Variants in DMD observed in about 807,000 individuals in gnomAD.
DMD encodes the protein mutant dystrophin.
Under a neutral mutation model 330.1 loss-of-function variants are expected in DMD, and 63 were observed. The observed-to-expected ratio is 0.19, with a 90% CI of 0.16 to 0.24. The LOEUF (loss-of-function observed/expected upper bound fraction) is 0.24. Ranked by LOEUF, DMD falls within the 10% of genes least tolerant of loss-of-function variation. DMD has a pLI of 1.00. For missense variants in DMD, 3,344 were observed against 2,684.1 expected (o/e 1.25, Z -5.43); for synonymous variants, 1,223 against 959.8 (o/e 1.27, Z -5.07).
chrX:31,612,195 T>C (rs575615266), intron 55 of DMD, among the ~76,000 whole-genome samples: 2 of 111,431 alleles, frequency 1.8e-5, no homozygotes, highest in East Asian at 2.8e-4. Context: ...AATTTGACTG[T>C]TGTAGGTAGC....
chrX:33,189,034 T>C (rs1183677917), intron 1 of DMD, among the ~76,000 whole-genome samples: 1 of 111,889 alleles, frequency 8.9e-6, no homozygotes, highest in Non-Finnish European at 1.9e-5. Flanking sequence ...TATTTTGTTA[T>C]GGCAATGCTA....
intron 1 of DMD, among the ~76,000 whole-genome samples, chrX:33,102,072 G>A (rs759935879): frequency 1.8e-5 from 2 of 111,915 alleles, no homozygotes; most frequent in South Asian, 7.4e-4. Flanking sequence ...ACTTTTCTAA[G>A]ACAGTAAAAT....
At chrX:31,200,710 G>A (rs1052123971) in intron 67 of DMD, among the ~76,000 whole-genome samples, 2 of 111,010 alleles carry the variant, frequency 1.8e-5, no homozygotes, top group East Asian at 2.8e-4. Flanking sequence ...TTTCAAGGAC[G>A]GCATCATATG....
intron 38 of DMD, among the ~76,000 whole-genome samples, chrX:32,347,376 T>C (rs1398400328): frequency 9.0e-6 from 1 of 111,321 alleles, no homozygotes; most frequent in Non-Finnish European, 1.9e-5. Flanking sequence ...GCCCAAGAGG[T>C]AATCAGTACT....
intron 1 of DMD, among the ~76,000 whole-genome samples, chrX:33,251,494 T>C (rs2052771025): frequency 9.0e-6 from 1 of 111,532 alleles, no homozygotes; most frequent in African/African-American, 3.3e-5. Context: ...AGGGACTGCC[T>C]GGAATGGAGT....
At chrX:33,338,035 C>T (rs903840593) in intron 1 of DMD, among the ~76,000 whole-genome samples, 4 of 112,176 alleles carry the variant, frequency 3.6e-5, no homozygotes, top group African/African-American at 9.7e-5. Context: ...TTCTGTATTA[C>T]ATAGACAGTT....
In DMD at chrX:32,731,981, T is replaced by C. The variant is rs968454592; in HGVS notation, c.650-32688A>G. On this transcript the variant is annotated intron_variant, in intron 7 of 78. Transcript: ENST00000357033. ...ATTACTCTGAGCTACGGGAGGACATTCAAACCAAAGGCAAAGAAGTTGAAA... is the reference window on the plus strand; with the variant it reads ...ATTACTCTGAGCTACGGGAGGACATCCAAACCAAAGGCAAAGAAGTTGAAA... Among the ~76,000 whole-genome samples the C allele has an allele frequency of 2.7e-5, 3 of 111,390 alleles. No individual in the cohort carries two copies. The Admixed American group carries it at 2.9e-4, about 11-fold the overall frequency.
chrX:32,482,974 C>G (rs1445242833), intron 21 of DMD, among the ~76,000 whole-genome samples: 1 of 106,912 alleles, frequency 9.4e-6, no homozygotes, highest in African/African-American at 3.4e-5. Context: ...TCTGTTAGCT[C>G]TTATTTCCTG....
At chrX:31,314,748 G>C (rs188539417) in intron 62 of DMD, among the ~76,000 whole-genome samples, 177 of 59,241 alleles carry the variant, frequency 3.0e-3, no homozygotes, top group South Asian at 0.016. Flanking sequence ...TACACAGAGA[G>C]AGAGAGAGAG....
At chrX:31,196,820 A>C (rs1190749315) in intron 67 of DMD, among the ~76,000 whole-genome samples, 1 of 1,173 alleles carries the variant, frequency 8.5e-4, no homozygotes, top group Non-Finnish European at 4.4e-3. Flanking sequence ...ACTCTGTCTC[A>C]AAAAAAAAAA....
intron 2 of DMD, among the ~76,000 whole-genome samples, chrX:32,981,326 C>T (rs1472715715): frequency 8.9e-6 from 1 of 111,963 alleles, no homozygotes; most frequent in African/African-American, 3.2e-5. Context: ...CCAAGATTGA[C>T]TGATGATAGG....
At chrX:31,920,107 T>G (rs768615701) in intron 47 of DMD, among the ~76,000 whole-genome samples, 2 of 112,102 alleles carry the variant, frequency 1.8e-5, no homozygotes, top group South Asian at 7.4e-4. Flanking sequence ...TGGTATCCCT[T>G]TTCTATGGTT....
At chrX:32,115,305 G>A (rs2096605707) in intron 44 of DMD, among the ~76,000 whole-genome samples, 1 of 111,341 alleles carries the variant, frequency 9.0e-6, no homozygotes, top group Non-Finnish European at 1.9e-5. Context: ...GTGTGATCAC[G>A]GCTCACTGCA....
intron 55 of DMD, among the ~76,000 whole-genome samples, chrX:31,556,494 T>C (rs924084856): frequency 9.4e-6 from 1 of 106,067 alleles, no homozygotes; most frequent in Non-Finnish European, 1.9e-5. Flanking sequence ...AGAATGAACT[T>C]GACTTCCTGT....
intron 47 of DMD, among the ~76,000 whole-genome samples, chrX:31,925,598 G>A (rs1350241123): frequency 9.0e-6 from 1 of 111,560 alleles, no homozygotes; most frequent in African/African-American, 3.3e-5. Context: ...ATGGCCAGGT[G>A]CGGTGGCTCA....
chrX:31,694,617 CATATATAT>C (rs34933227), intron 52 of DMD, among the ~76,000 whole-genome samples: 14 of 58,172 alleles, frequency 2.4e-4, no homozygotes, highest in South Asian at 1.9e-3. Context: ...TGACAAACAG[CATATATAT>C]ATATATATAT....
At chrX:31,168,870 C>G (rs1397843068) in intron 74 of DMD, among the ~76,000 whole-genome samples, 1 of 111,914 alleles carries the variant, frequency 8.9e-6, no homozygotes, top group Non-Finnish European at 1.9e-5. Flanking sequence ...AGTTCTTTAG[C>G]CTTTTTCTCT....
chrX:32,526,397 C>T (rs1603635519), intron 17 of DMD, among the ~76,000 whole-genome samples: 1 of 111,099 alleles, frequency 9.0e-6, no homozygotes, highest in East Asian at 2.8e-4. Flanking sequence ...TGTAAAGTCC[C>T]ATCATACAGG....
chrX:31,949,609 A>T (rs967800959), intron 45 of DMD, among the ~76,000 whole-genome samples: 1 of 111,004 alleles, frequency 9.0e-6, no homozygotes, highest in African/African-American at 3.3e-5. Context: ...CTTCTTCTAT[A>T]CTGTGGATGC....
Sources: gnomAD v4.1 joint callset for allele counts (sites outside exome capture counted in the v4.1 genomes callset) on GRCh38, gnomAD v4.1.1 for gene constraint, MANE v1.5 for transcripts, NCBI Gene and HGNC (gene_info 2026-07-23, HGNC 2026-07-21) for gene names.